QTMAN: variants seen among roughly 807,000 people sequenced by gnomAD.
QTMAN encodes the protein queuosine-tRNA mannosyltransferase.
At chr2:144,194,418 A>G in the QTMAN span, among the ~76,000 whole-genome samples, 44 of 152,268 alleles carry the variant, frequency 2.9e-4, no homozygotes, top group African/African-American at 1.0e-3. Flanking sequence ...CTGGGCTCCT[A>G]TGTAATAAAA....
the QTMAN span, among the ~76,000 whole-genome samples, chr2:144,165,993 T>C: frequency 6.6e-6 from 1 of 152,108 alleles, no homozygotes; most frequent in Non-Finnish European, 1.5e-5. Flanking sequence ...TACAGAATCA[T>C]GCATCTAGAA....
the QTMAN span, among the ~76,000 whole-genome samples, chr2:144,222,372 T>C: frequency 6.6e-6 from 1 of 151,598 alleles, no homozygotes; most frequent in Non-Finnish European, 1.5e-5. Context: ...ACTCAAAGTT[T>C]TAAACTTCAA....
the QTMAN span, among the ~76,000 whole-genome samples, chr2:144,144,168 T>G: frequency 6.6e-6 from 1 of 151,966 alleles, no homozygotes; most frequent in South Asian, 2.1e-4. Flanking sequence ...CAATGTTTTA[T>G]GAAAGTGAGG....
the QTMAN span, chr2:143,944,424 A>T: frequency 2.8e-4 from 43 of 152,174 alleles, no homozygotes; most frequent in Middle Eastern, 3.4e-3. Flanking sequence ...TAATTTTTTT[A>T]AAATTTATTT....
At chr2:144,167,546 TG>T in the QTMAN span, among the ~76,000 whole-genome samples, 2 of 152,126 alleles carry the variant, frequency 1.3e-5, no homozygotes, top group African/African-American at 4.8e-5. Context: ...GTTTCCCCCA[TG>T]CTGTTCTCGT....
chr2:144,261,498 T>C, the QTMAN span, among the ~76,000 whole-genome samples: 3 of 152,202 alleles, frequency 2.0e-5, no homozygotes, highest in African/African-American at 7.2e-5. Flanking sequence ...AAATATAATT[T>C]CCTCCAGTTG....
the QTMAN span, among the ~76,000 whole-genome samples, chr2:144,123,892 G>C: frequency 6.6e-6 from 1 of 152,002 alleles, no homozygotes; most frequent in African/African-American, 2.4e-5. Context: ...CAAAGATATA[G>C]GATCTAGAAT....
chr2:144,265,115 T>C, the QTMAN span, among the ~76,000 whole-genome samples: 3 of 152,152 alleles, frequency 2.0e-5, no homozygotes, highest in African/African-American at 4.8e-5. Context: ...TATATAAATA[T>C]ATAGATATCC....
At chr2:144,116,980 T>G in the QTMAN span, among the ~76,000 whole-genome samples, 87 of 152,300 alleles carry the variant, frequency 5.7e-4, no homozygotes, top group African/African-American at 2.0e-3. Context: ...CACTCTAGAA[T>G]AGTTTTCAAG....
the QTMAN span, among the ~76,000 whole-genome samples, chr2:144,291,487 T>C: frequency 1.3e-5 from 2 of 152,240 alleles, no homozygotes; most frequent in African/African-American, 4.8e-5. Context: ...AGGCTTTGCC[T>C]CTAGTTTTCA....
At chr2:144,068,983 T>C in the QTMAN span, among the ~76,000 whole-genome samples, 1 of 152,184 alleles carries the variant, frequency 6.6e-6, no homozygotes, top group East Asian at 1.9e-4. Context: ...TTTGATACTG[T>C]TACTGCAACC....
At chr2:144,241,054 G>C in the QTMAN span, among the ~76,000 whole-genome samples, 1 of 152,192 alleles carries the variant, frequency 6.6e-6, no homozygotes, top group East Asian at 1.9e-4. Flanking sequence ...TACTCAGGGT[G>C]ATTTCTTGAT....
chr2:143,981,482 C>A, the QTMAN span, among the ~76,000 whole-genome samples: 1 of 152,116 alleles, frequency 6.6e-6, no homozygotes, highest in Non-Finnish European at 1.5e-5. Flanking sequence ...GGTCTTCAAT[C>A]AGATGGGAAA....
the QTMAN span, among the ~76,000 whole-genome samples, chr2:144,134,137 C>T: frequency 6.6e-6 from 1 of 152,042 alleles, no homozygotes; most frequent in South Asian, 2.1e-4. Context: ...CACAAATTCT[C>T]GAATTACAAA....
the QTMAN span, among the ~76,000 whole-genome samples, chr2:144,266,938 A>G: frequency 1.3e-5 from 2 of 152,232 alleles, no homozygotes; most frequent in Non-Finnish European, 2.9e-5. Context: ...ATTTTAGGAA[A>G]CATTTTCAGG....
chr2:143,943,063 T>C, the QTMAN span: 1 of 152,348 alleles, frequency 6.6e-6, no homozygotes, highest in South Asian at 2.1e-4. Context: ...TCCCTACTTC[T>C]ATGTCCTTTT....
the QTMAN span, among the ~76,000 whole-genome samples, chr2:144,040,126 A>G: frequency 1.3e-5 from 2 of 152,202 alleles, no homozygotes; most frequent in African/African-American, 4.8e-5. Context: ...AAGCAATGGA[A>G]GTTGACTTTA....
At chr2:144,235,771 C>T in the QTMAN span, 1 of 152,404 alleles carries the variant, frequency 6.6e-6, no homozygotes, top group Non-Finnish European at 1.5e-5. Context: ...TTAGTAACTT[C>T]AAAATAAACC....
At chr2:143,989,864 T>G in the QTMAN span, among the ~76,000 whole-genome samples, 1 of 152,136 alleles carries the variant, frequency 6.6e-6, no homozygotes, top group East Asian at 1.9e-4. Context: ...CAGTTTACCA[T>G]AGTTCCCATC....
Sources: allele counts gnomAD v4.1 joint callset (sites outside exome capture counted in the v4.1 genomes callset), GRCh38; gene constraint gnomAD v4.1.1; transcripts MANE v1.5; gene names NCBI Gene and HGNC (gene_info 2026-07-23, HGNC 2026-07-21).